PLEKHA7: variants seen among roughly 807,000 people sequenced by gnomAD.
PLEKHA7 encodes the protein pleckstrin homology domain-containing family A member 7.
Under a neutral mutation model 170.0 loss-of-function variants are expected in PLEKHA7, and 104 were observed. That is an observed-to-expected ratio of 0.61 (90% CI 0.52 to 0.72). The LOEUF is 0.72. PLEKHA7 is among the 30% of genes least tolerant of loss of function. The probability of loss-of-function intolerance (pLI) is 0.00; values close to 1 mark genes in which losing one functional copy is unlikely to be tolerated. For missense variants in PLEKHA7, 1,615 were observed against 1,671.7 expected (o/e 0.97, Z 0.59); for synonymous variants, 648 against 660.8 (o/e 0.98, Z 0.30).
At chr11:16,859,023 C>A (rs1853712919) in intron 4 of PLEKHA7, among the ~76,000 whole-genome samples, 1 of 152,220 alleles carries the variant, frequency 6.6e-6, no homozygotes, top group Non-Finnish European at 1.5e-5. Flanking sequence ...GTCTACACCG[C>A]TCAAACACAC....
intron 3 of PLEKHA7, among the ~76,000 whole-genome samples, chr11:16,931,065 C>T (rs952883744): frequency 6.6e-6 from 1 of 152,164 alleles, no homozygotes; most frequent in African/African-American, 2.4e-5. Context: ...TATCTAAATA[C>T]AAGTTTTAAT....
At chr11:17,009,403 G>C (rs1865195002) in intron 3 of PLEKHA7, among the ~76,000 whole-genome samples, 2 of 152,284 alleles carry the variant, frequency 1.3e-5, no homozygotes, top group South Asian at 4.1e-4. Flanking sequence ...GAAACTAGTA[G>C]TAGTTCCTAC....
intron 10 of PLEKHA7, among the ~76,000 whole-genome samples, chr11:16,820,704 C>T (rs1023777172): frequency 3.3e-5 from 5 of 152,214 alleles, no homozygotes; most frequent in African/African-American, 1.2e-4. Flanking sequence ...GGCTCTGCAG[C>T]TCACTCCCCT....
chr11:17,014,402 G>A lies in PLEKHA7; in HGVS notation c.-1C>T, dbSNP rs1216442887. ...CCCGCCCGACCGTCGCCGCCGCCATGTTCGCCGAGCGCGGAGCCGCCGCGG... is the reference window on the plus strand; with the variant it reads ...CCCGCCCGACCGTCGCCGCCGCCATATTCGCCGAGCGCGGAGCCGCCGCGG... On this transcript the variant is annotated 5_prime_UTR_variant, in exon 1 of 27. Transcript: ENST00000531066. 27 of 1,340,798 alleles carry A rather than the reference G, an allele frequency of 2.0e-5. No homozygotes were observed. The highest frequency in any genetic ancestry group is 2.5e-5 in the Non-Finnish European group (26 of 1,035,360). 83.1% of individuals were successfully genotyped at this position (1,340,798 alleles called of 1,614,324 possible). A position where few individuals can be genotyped will look rare whatever the true frequency, so the allele number is the denominator to read the frequency against.
rs555013572 is a variant in PLEKHA7 at position 16,777,656 on chromosome 11, G to A, written c.*1342C>T. Reference sequence around the variant, plus strand: ...AATATAAGAAAACAACTTAAATAAAGGGCCACAAACACTGCACCTGGCTTG... The same window carrying A: ...AATATAAGAAAACAACTTAAATAAAAGGCCACAAACACTGCACCTGGCTTG... On this transcript the variant is annotated 3_prime_UTR_variant, in exon 27 of 27. Transcript: ENST00000531066. 1 of 152,286 alleles carries A rather than the reference G, an allele frequency of 6.6e-6. No individual in the cohort carries two copies. Among genetic ancestry groups the A allele is most frequent in the East Asian group, 1.9e-4 (1 of 5,182 alleles). The allele number at this position is 152,286 out of a possible 1,614,324, so 9.4% of individuals were successfully genotyped here.
At chr11:16,887,125 G>C (rs574985443) in intron 3 of PLEKHA7, among the ~76,000 whole-genome samples, 5 of 151,966 alleles carry the variant, frequency 3.3e-5, no homozygotes, top group African/African-American at 4.8e-5. Context: ...TTAAAAATCA[G>C]ACAGAACTTC....
rs558361432 is a variant in PLEKHA7 at position 16,841,922 on chromosome 11, A to G, written c.697-200T>C. On this transcript the variant is annotated intron_variant, in intron 8 of 26. Coordinates refer to ENST00000531066, the MANE Select transcript of PLEKHA7 (RefSeq NM_001329630.2). Reference sequence around the variant, plus strand: ...GCCCAGTGACAGCTGTCTGTTCCCCAAAGTAAAAGCCTGCAGCTGTAACTG... The same window carrying G: ...GCCCAGTGACAGCTGTCTGTTCCCCGAAGTAAAAGCCTGCAGCTGTAACTG... 2.0e-5 allele frequency among the ~76,000 whole-genome samples: 3 copies of G among 146,948 alleles called. No individual in the cohort carries two copies. In the South Asian group the frequency reaches 6.4e-4, roughly 31 times the overall value.
intron 19 of PLEKHA7, among the ~76,000 whole-genome samples, chr11:16,792,555 G>A (rs934434321): frequency 2.0e-5 from 3 of 151,862 alleles, no homozygotes; most frequent in Admixed American, 1.3e-4. Context: ...AAAGGCAAGG[G>A]GATTATTATC....
intron 3 of PLEKHA7, among the ~76,000 whole-genome samples, chr11:16,891,711 C>G (rs1856627406): frequency 6.6e-6 from 1 of 152,120 alleles, no homozygotes; most frequent in Non-Finnish European, 1.5e-5. Context: ...ACTGATCAGA[C>G]TCCACCCAAT....
At chr11:16,973,491 C>T (rs1862852321) in intron 3 of PLEKHA7, among the ~76,000 whole-genome samples, 2 of 152,184 alleles carry the variant, frequency 1.3e-5, no homozygotes, top group African/African-American at 2.4e-5. Flanking sequence ...CTCTTGGTGC[C>T]CCTTTTAAAA....
At chr11:16,821,997 AATCCCCATCTTGC>A (rs1212479820) in intron 10 of PLEKHA7, among the ~76,000 whole-genome samples, 6 of 150,398 alleles carry the variant, frequency 4.0e-5, no homozygotes, top group African/African-American at 1.5e-4. Context: ...GAATGGCTCA[AATCCCCATCTTGC>A]ATCCCAGGGA....
chr11:16,779,718 C>T (rs534741796), intron 26 of PLEKHA7, among the ~76,000 whole-genome samples: 1 of 152,178 alleles, frequency 6.6e-6, no homozygotes, highest in Non-Finnish European at 1.5e-5. Context: ...CTGTGAGGCA[C>T]GGGGAGCACC....
intron 4 of PLEKHA7, among the ~76,000 whole-genome samples, chr11:16,861,711 A>G (rs969228390): frequency 6.6e-6 from 1 of 152,092 alleles, no homozygotes; most frequent in African/African-American, 2.4e-5. Flanking sequence ...AGGAAACACA[A>G]ATCTTTTACT....
At chr11:16,796,732 C>A (rs772052680) in intron 17 of PLEKHA7, among the ~76,000 whole-genome samples, 1 of 152,144 alleles carries the variant, frequency 6.6e-6, no homozygotes, top group African/African-American at 2.4e-5. Flanking sequence ...TCAAGGTCAC[C>A]GTAACCTCAA....
At chr11:16,782,957 G>A (rs1162734806) in intron 25 of PLEKHA7, 61 bp from the exon 26 acceptor site, 14 of 1,504,692 alleles carry the variant, frequency 9.3e-6, no homozygotes, top group Non-Finnish European at 1.2e-5. Context: ...CCTCAGGAGT[G>A]GAGGGTCTCC....
At chr11:16,892,422 GTGTGTGTGTGTGTTT>G (rs1361771129) in intron 3 of PLEKHA7, among the ~76,000 whole-genome samples, 1 of 76,906 alleles carries the variant, frequency 1.3e-5, no homozygotes, top group Middle Eastern at 6.5e-3. Context: ...GTGTGTGTGT[GTGTGTGTGTGTGTTT>G]TGTTTTGTTT....
chr11:16,999,643 C>T (rs956501978), intron 3 of PLEKHA7, among the ~76,000 whole-genome samples: 2 of 152,202 alleles, frequency 1.3e-5, no homozygotes, highest in Non-Finnish European at 2.9e-5. Context: ...AACCCAATGA[C>T]TTTAGACAGA....
At chr11:16,936,018 G>A (rs556230007) in intron 3 of PLEKHA7, among the ~76,000 whole-genome samples, 9 of 152,284 alleles carry the variant, frequency 5.9e-5, no homozygotes, top group East Asian at 1.9e-4. Context: ...TGCAGCACAC[G>A]GTAGGTGGCA....
chr11:16,911,679 A>G (rs1203915407), intron 3 of PLEKHA7, among the ~76,000 whole-genome samples: 1 of 152,088 alleles, frequency 6.6e-6, no homozygotes, highest in Non-Finnish European at 1.5e-5. Context: ...TTGAACACTC[A>G]CTGCAGGCAC....
Sources: gnomAD v4.1 joint callset for allele counts (sites outside exome capture counted in the v4.1 genomes callset) on GRCh38, gnomAD v4.1.1 for gene constraint, MANE v1.5 for transcripts, NCBI Gene and HGNC (gene_info 2026-07-23, HGNC 2026-07-21) for gene names.